RAB28: variants seen among roughly 807,000 people sequenced by gnomAD.
The protein encoded by RAB28 is RAB28, member RAS oncogene family, also known as ras-related protein Rab-28.
A neutral mutation model predicts 31.7 loss-of-function variants in RAB28; 24 were observed. That is an observed-to-expected ratio of 0.76 (90% CI 0.55 to 1.06). The LOEUF (loss-of-function observed/expected upper bound fraction) is 1.06, where lower values mean the gene tolerates loss of function less well. Among genes scored for constraint, RAB28 ranks in the 50% least tolerant of loss-of-function variants. The probability of loss-of-function intolerance (pLI) is 0.00; values close to 1 mark genes in which losing one functional copy is unlikely to be tolerated. For synonymous variants in RAB28, 100 were observed against 90.4 expected, an observed-to-expected ratio of 1.11 and a Z score of -0.60; for missense variants, 254 against 258.5, an observed-to-expected ratio of 0.98 and a Z score of 0.12.
intron 1 of RAB28, 145 bp downstream of exon 1, chr4:13,483,931 C>T (rs1716740514): frequency 1.1e-5 from 8 of 708,206 alleles, no homozygotes; most frequent in Non-Finnish European, 7.1e-6. Flanking sequence ...ACTTCGTGTC[C>T]GGCCTCAGGC....
intron 3 of RAB28, among the ~76,000 whole-genome samples, chr4:13,470,324 T>C (rs1282442219): frequency 6.6e-6 from 1 of 152,056 alleles, no homozygotes; most frequent in Non-Finnish European, 1.5e-5. Flanking sequence ...TCTACAAACA[T>C]AATCAGTTAT....
At chr4:13,449,556 A>T (rs546440911) in intron 4 of RAB28, among the ~76,000 whole-genome samples, 5 of 152,024 alleles carry the variant, frequency 3.3e-5, no homozygotes, top group African/African-American at 9.6e-5. Flanking sequence ...GTAAAACATC[A>T]CTTCCTGGGC....
intron 3 of RAB28, among the ~76,000 whole-genome samples, chr4:13,468,376 C>T (rs926578497): frequency 2.6e-5 from 4 of 151,984 alleles, no homozygotes; most frequent in South Asian, 2.1e-4. Context: ...AAACAGAAAT[C>T]ACACAAACCA....
intron 4 of RAB28, among the ~76,000 whole-genome samples, chr4:13,416,032 T>C (rs562219602): frequency 1.3e-5 from 2 of 152,232 alleles, no homozygotes; most frequent in East Asian, 3.9e-4. Flanking sequence ...TGGAGAACCT[T>C]TGTGTCTAGC....
chr4:13,407,244 C>G (rs1300120224), intron 4 of RAB28, among the ~76,000 whole-genome samples: 1 of 152,098 alleles, frequency 6.6e-6, no homozygotes, highest in Non-Finnish European at 1.5e-5. Flanking sequence ...GTTTTCCCAA[C>G]ACCATTTATT....
intron 4 of RAB28, among the ~76,000 whole-genome samples, chr4:13,415,678 G>T (rs1013908632): frequency 2.6e-5 from 4 of 152,154 alleles, no homozygotes; most frequent in Non-Finnish European, 5.9e-5. Context: ...GCCACCCTGG[G>T]CTCCTGTGTG....
chr4:13,438,412 T>G (rs947474740), intron 4 of RAB28, among the ~76,000 whole-genome samples: 5 of 152,224 alleles, frequency 3.3e-5, no homozygotes, highest in Admixed American at 6.5e-5. Flanking sequence ...CTACACATAT[T>G]AGTAGTCATT....
chr4:13,375,369 T>C (rs1456360484), intron 6 of RAB28, among the ~76,000 whole-genome samples: 4 of 152,200 alleles, frequency 2.6e-5, no homozygotes, highest in Non-Finnish European at 5.9e-5. Flanking sequence ...CCCACCACTA[T>C]ACTGAGTTTA....
chr4:13,384,712 C>T (rs981171665), intron 4 of RAB28, among the ~76,000 whole-genome samples: 4 of 152,088 alleles, frequency 2.6e-5, no homozygotes, highest in African/African-American at 9.7e-5. Flanking sequence ...AAAAAAAGTC[C>T]AAAGATCAGC....
intron 4 of RAB28, among the ~76,000 whole-genome samples, chr4:13,386,796 T>C (rs538816190): frequency 1.3e-5 from 2 of 152,116 alleles, no homozygotes; most frequent in South Asian, 4.1e-4. Flanking sequence ...CACTTGCAAG[T>C]GTATGTCCCT....
chr4:13,437,118 T>G (rs116236033), intron 4 of RAB28, among the ~76,000 whole-genome samples: 3,765 of 152,074 alleles, frequency 0.025, 63 homozygotes, highest in African/African-American at 0.048. Flanking sequence ...CGAAAGGATA[T>G]CCTACTCAAC....
chr4:13,372,747 T>G (rs1728763620), intron 6 of RAB28, among the ~76,000 whole-genome samples: 1 of 151,958 alleles, frequency 6.6e-6, no homozygotes, highest in African/African-American at 2.4e-5. Context: ...CTGAGGAAGA[T>G]CAACATTCAG....
intron 4 of RAB28, among the ~76,000 whole-genome samples, chr4:13,411,213 C>T (rs11729945): frequency 9.9e-5 from 15 of 151,682 alleles, no homozygotes; most frequent in Non-Finnish European, 1.6e-4. Flanking sequence ...AGATTCTGAA[C>T]AAAAAAACAG....
intron 4 of RAB28, among the ~76,000 whole-genome samples, chr4:13,428,872 G>GA (rs900717491): frequency 4.8e-5 from 7 of 146,144 alleles, no homozygotes; most frequent in African/African-American, 1.3e-4. Flanking sequence ...AAATAAAGGG[G>GA]AAAAAAAATA....
intron 6 of RAB28, chr4:13,369,748 T>A: frequency 1.0e-6 from 1 of 964,662 alleles, no homozygotes; most frequent in Non-Finnish European, 1.4e-6. Context: ...GACGTGATAT[T>A]AACTTCCAAT....
chr4:13,382,622 TAGG>T (rs1327442682), intron 4 of RAB28, among the ~76,000 whole-genome samples: 1 of 151,932 alleles, frequency 6.6e-6, no homozygotes, highest in East Asian at 1.9e-4. Flanking sequence ...GTTCTCTCTC[TAGG>T]AGATTTTTTT....
intron 1 of RAB28, 23 bp downstream of exon 1, chr4:13,484,053 G>A: frequency 1.0e-5 from 16 of 1,576,790 alleles, no homozygotes; most frequent in Non-Finnish European, 1.3e-5. Flanking sequence ...GGCCTGGGAC[G>A]GCGGGCCTGC....
At chr4:13,412,829 C>G (rs890352488) in intron 4 of RAB28, among the ~76,000 whole-genome samples, 2 of 151,848 alleles carry the variant, frequency 1.3e-5, no homozygotes, top group Non-Finnish European at 2.9e-5. Flanking sequence ...AGCAGAGATA[C>G]AAAAACTCAG....
intron 4 of RAB28, among the ~76,000 whole-genome samples, chr4:13,410,042 A>G (rs1016670262): frequency 1.3e-5 from 2 of 151,952 alleles, no homozygotes; most frequent in African/African-American, 4.8e-5. Flanking sequence ...AAAAGTGTGT[A>G]GCACCTCCCC....
Sources: allele counts gnomAD v4.1 joint callset (sites outside exome capture counted in the v4.1 genomes callset), GRCh38; gene constraint gnomAD v4.1.1; transcripts MANE v1.5; gene names NCBI Gene and HGNC (gene_info 2026-07-23, HGNC 2026-07-21).